NDC80: variants seen among roughly 807,000 people sequenced by gnomAD.
The protein encoded by NDC80 is NDC80 kinetochore complex component.
In NDC80, 69 loss-of-function variants were observed where a neutral mutation model predicts 89.3. The ratio of observed to expected loss-of-function variants is 0.77; its 90% confidence interval spans 0.64 to 0.94. The LOEUF (loss-of-function observed/expected upper bound fraction) is 0.94. Ranked by LOEUF, NDC80 falls within the 40% of genes least tolerant of loss-of-function variation. NDC80 has a pLI of 0.00. For synonymous variants in NDC80, 243 were observed against 255.6 expected (o/e 0.95, Z 0.47); for missense variants, 593 against 739.6 (o/e 0.80, Z 2.30).
intron 13 of NDC80, among the ~76,000 whole-genome samples, chr18:2,602,080 C>G (rs911562079): frequency 6.6e-6 from 1 of 152,126 alleles, no homozygotes; most frequent in Non-Finnish European, 1.5e-5. Context: ...CAAATGCACA[C>G]ACAAAGGATT....
chr18:2,572,638 TA>T (rs2072522402), intron 1 of NDC80, among the ~76,000 whole-genome samples: 1 of 152,216 alleles, frequency 6.6e-6, no homozygotes, highest in Non-Finnish European at 1.5e-5. Flanking sequence ...GTGGTCTGGG[TA>T]ACAGACAGGG....
At chr18:2,576,345 A>G (rs2072546463) in intron 3 of NDC80, among the ~76,000 whole-genome samples, 1 of 152,242 alleles carries the variant, frequency 6.6e-6, no homozygotes, top group African/African-American at 2.4e-5. Context: ...TCAAAAATAA[A>G]ACAATTTCAG....
intron 13 of NDC80, among the ~76,000 whole-genome samples, chr18:2,602,448 G>A (rs542590704): frequency 6.6e-6 from 1 of 152,186 alleles, no homozygotes; most frequent in East Asian, 1.9e-4. Context: ...AAATATCTAT[G>A]GAGAAAAGAT....
At chr18:2,610,526 A>G (rs528878781) in intron 15 of NDC80, among the ~76,000 whole-genome samples, 1 of 152,342 alleles carries the variant, frequency 6.6e-6, no homozygotes, top group South Asian at 2.1e-4. Flanking sequence ...AAAGCTTTAT[A>G]TGTTAAAACA....
intron 8 of NDC80, 76 bp downstream of exon 8, chr18:2,587,999 A>C: frequency 4.4e-6 from 5 of 1,137,926 alleles, no homozygotes; most frequent in Non-Finnish European, 6.5e-6. Flanking sequence ...TATTTACCAT[A>C]TCCAGTGTTC....
intron 16 of NDC80, among the ~76,000 whole-genome samples, chr18:2,614,704 C>CCTAAAAAAAATATTTACA (rs1261625922): frequency 3.3e-5 from 5 of 151,706 alleles, no homozygotes; most frequent in Admixed American, 6.6e-5. Context: ...GTATATTTGC[C>CCTAAAAAAAATATTTACA]CTAAAAAAAA....
chr18:2,578,204 C>T, intron 5 of NDC80, 63 bp downstream of exon 5: 1 of 1,457,682 alleles, frequency 6.9e-7, no homozygotes, highest in Non-Finnish European at 9.4e-7. Flanking sequence ...CAAATTAAAT[C>T]AATTTGTAAA....
In NDC80 at chr18:2,610,926, T is replaced by G. The variant is rs2072740774; in HGVS notation, c.1791+65T>G. 5.1e-6 allele frequency: 5 copies of G among 978,962 alleles called. No individual in the cohort carries two copies. In the South Asian group the frequency reaches 1.4e-4, roughly 27 times the overall value. The allele number at this position is 978,962 out of a possible 1,614,324, so 60.6% of individuals were successfully genotyped here. ...TTTTAAAACTTTGATACATTTCTGC[T>G]TTCTTCCATATAAATTAAATGATGA... On this transcript the variant is annotated intron_variant, in intron 16 of 16. Coordinates refer to ENST00000261597, the MANE Select transcript of NDC80 (RefSeq NM_006101.3).
intron 14 of NDC80, among the ~76,000 whole-genome samples, chr18:2,607,814 G>T (rs1166157343): frequency 1.3e-5 from 2 of 149,442 alleles, no homozygotes; most frequent in African/African-American, 2.5e-5. Context: ...GTGTCTTCCA[G>T]ATATACAAAC....
chr18:2,587,945 G>C, intron 8 of NDC80, 22 bp downstream of exon 8: 3 of 1,602,732 alleles, frequency 1.9e-6, no homozygotes, highest in Non-Finnish European at 2.6e-6. Flanking sequence ...CGTTCTTAGG[G>C]TGCTTGCTTT....
intron 10 of NDC80, among the ~76,000 whole-genome samples, chr18:2,593,329 T>C (rs543703791): frequency 6.6e-6 from 1 of 152,210 alleles, no homozygotes; most frequent in Non-Finnish European, 1.5e-5. Flanking sequence ...CTTATCTCAT[T>C]TTTTCACATA....
At chr18:2,578,194 C>A in intron 5 of NDC80, 53 bp downstream of exon 5, 1 of 1,481,922 alleles carries the variant, frequency 6.7e-7, no homozygotes, top group Non-Finnish European at 9.2e-7. Context: ...AGAGATGAAA[C>A]AAATTAAATC....
intron 6 of NDC80, among the ~76,000 whole-genome samples, chr18:2,583,716 C>T (rs570482642): frequency 4.2e-4 from 60 of 142,706 alleles, no homozygotes; most frequent in Non-Finnish European, 7.1e-4. Flanking sequence ...AAAAAAAAAT[C>T]TGTCTGCCAC....
chr18:2,574,561 T>C (rs909021037), intron 2 of NDC80, among the ~76,000 whole-genome samples: 1 of 152,328 alleles, frequency 6.6e-6, no homozygotes, highest in African/African-American at 2.4e-5. Context: ...TATTTAGGCC[T>C]GAAAGTATGT....
Position 2,606,473 on chromosome 18 carries a change from A to C in NDC80, c.1523A>C (p.Gln508Pro), listed in dbSNP as rs1407634630. The change falls in exon 14 of 17, where the codon CAA becomes CCA. Residue 508 changes from glutamine (Q) to proline (P), a missense_variant. Coordinates refer to ENST00000261597, the MANE Select transcript of NDC80 (RefSeq NM_006101.3). Reference sequence around the variant, plus strand: ...GTGAGAACTCTGAAAGAAGAAGTTCAAAAGCTGGATGATCTTTACCAACAA... The same window carrying C: ...GTGAGAACTCTGAAAGAAGAAGTTCCAAAGCTGGATGATCTTTACCAACAA... ...RSVRTLKEEV[Q>P]KLDDLYQQKI... is the part of the protein sequence containing the mutation. 5 of 1,607,702 alleles carry C rather than the reference A, an allele frequency of 3.1e-6. No individual in the cohort carries two copies. Among genetic ancestry groups the C allele is most frequent in the Non-Finnish European group, 4.2e-6 (5 of 1,176,672 alleles).
chr18:2,610,190 G>A (rs1043419860), intron 15 of NDC80, among the ~76,000 whole-genome samples: 2 of 152,022 alleles, frequency 1.3e-5, no homozygotes, highest in Non-Finnish European at 2.9e-5. Context: ...TCAATATACT[G>A]AACAGTTAAT....
chr18:2,608,687 T>C lies in NDC80; in HGVS notation c.1558-13T>C. The C allele has an allele frequency of 6.2e-7, 1 of 1,609,172 alleles. No individual in the cohort carries two copies. On this transcript the variant is annotated splice_polypyrimidine_tract_variant and intron_variant, in intron 14 of 16. Transcript: ENST00000261597. ...ATATCAAGAAACCCATAACCGTGAC[T>C]TTATCCTGATAGGAAGCAGAGGAAG...
intron 6 of NDC80, among the ~76,000 whole-genome samples, chr18:2,580,957 G>T (rs537021104): frequency 6.6e-6 from 1 of 151,652 alleles, no homozygotes; most frequent in African/African-American, 2.4e-5. Context: ...GGCCAGGCTG[G>T]TCTCAAACTT....
chr18:2,610,660 G>C (rs1388328612), intron 15 of NDC80, 99 bp from the exon 16 acceptor site: 2 of 627,392 alleles, frequency 3.2e-6, no homozygotes, highest in African/African-American at 3.7e-5. Context: ...ATCAATCACA[G>C]TTTGGTTTTT....
Sources: allele counts gnomAD v4.1 joint callset (sites outside exome capture counted in the v4.1 genomes callset), GRCh38; gene constraint gnomAD v4.1.1; transcripts MANE v1.5; gene names NCBI Gene and HGNC (gene_info 2026-07-23, HGNC 2026-07-21).